PPM1H: variants seen among roughly 807,000 people sequenced by gnomAD.
PPM1H encodes protein phosphatase, Mg2+/Mn2+ dependent 1H.
In PPM1H, 27 loss-of-function variants were observed where a neutral mutation model predicts 54.9. The observed-to-expected ratio is 0.49, with a 90% CI of 0.36 to 0.68. The LOEUF is 0.68. Ranked by LOEUF, PPM1H falls within the 30% of genes least tolerant of loss-of-function variation. PPM1H has a pLI of 0.00. For missense variants in PPM1H, 596 were observed against 667.8 expected (o/e 0.89, Z 1.19); for synonymous variants, 305 against 270.8 (o/e 1.13, Z -1.24).
In PPM1H at chr12:62,730,671, G is replaced by A. The variant is rs1370703640; in HGVS notation, c.954+6831C>T. 4.0e-5 allele frequency among the ~76,000 whole-genome samples: 6 copies of A among 151,846 alleles called. No individual in the cohort carries two copies. In the South Asian group the frequency reaches 1.3e-3, roughly 32 times the overall value. ...TACAAAACTTTTTTTTTTTAATTGA[G>A]TAATCTCTCCTTTTTCTTGCCCTTA... is the stretch of plus-strand genomic sequence containing the variant. On this transcript the variant is annotated intron_variant, in intron 5 of 9. Transcript: ENST00000228705.
chr12:62,905,677 C>T (rs1015416798), intron 1 of PPM1H, among the ~76,000 whole-genome samples: 9 of 152,024 alleles, frequency 5.9e-5, no homozygotes, highest in Admixed American at 5.2e-4. Context: ...ACAGAGTAGA[C>T]CAATAACAGG....
At chr12:62,823,277 AG>A (rs1169901204) in intron 2 of PPM1H, among the ~76,000 whole-genome samples, 2 of 152,230 alleles carry the variant, frequency 1.3e-5, no homozygotes, top group Non-Finnish European at 2.9e-5. Context: ...AAGAAAGTCC[AG>A]AACCAGACGG....
intron 4 of PPM1H, among the ~76,000 whole-genome samples, chr12:62,786,985 C>A (rs1338052088): frequency 6.6e-6 from 1 of 152,258 alleles, no homozygotes; most frequent in East Asian, 1.9e-4. Context: ...AAGCAACAGA[C>A]CTTCAACAAA....
chr12:62,733,083 C>A (rs908185865), intron 5 of PPM1H, among the ~76,000 whole-genome samples: 4 of 151,992 alleles, frequency 2.6e-5, no homozygotes, highest in Admixed American at 6.6e-5. Context: ...AATTTCTGAG[C>A]ATGTTATGAG....
intron 1 of PPM1H, among the ~76,000 whole-genome samples, chr12:62,916,927 TAAAA>T (rs368118906): frequency 7.6e-6 from 1 of 132,034 alleles, no homozygotes; most frequent in Non-Finnish European, 1.6e-5. Flanking sequence ...ACCCTCTACT[TAAAA>T]AAAAAAAAAA....
chr12:62,801,784 C>T, intron 3 of PPM1H, 32 bp downstream of exon 3: 2 of 1,608,626 alleles, frequency 1.2e-6, no homozygotes, highest in South Asian at 2.2e-5. Context: ...GCCAGCCTGG[C>T]CCTGCTGCCC....
rs1381346983 is a variant in PPM1H, at chr12:62,784,658, C to T, written c.869+3568G>A. Among the ~76,000 whole-genome samples, 31 of 152,230 alleles carry T rather than the reference C, an allele frequency of 2.0e-4. 1 individual carries two copies. Among genetic ancestry groups the T allele is most frequent in the Admixed American group, 1.7e-3 (26 of 15,288 alleles). ...TTAAACTGAGCCCTGGGATTCCTGA[C>T]TGCTCGTCAATCAGTGATAATGGAC... On this transcript the variant is annotated intron_variant, in intron 4 of 9. Transcript: ENST00000228705.
intron 1 of PPM1H, among the ~76,000 whole-genome samples, chr12:62,880,033 AC>A (rs1870333667): frequency 1.3e-5 from 2 of 152,178 alleles, no homozygotes; most frequent in African/African-American, 2.4e-5. Flanking sequence ...ATTTTTCAAA[AC>A]CTACAAACTT....
At chr12:62,904,148 G>A (rs1871240263) in intron 1 of PPM1H, among the ~76,000 whole-genome samples, 1 of 152,032 alleles carries the variant, frequency 6.6e-6, no homozygotes. Context: ...CTTCAAAAAG[G>A]CTACATTACA....
intron 1 of PPM1H, among the ~76,000 whole-genome samples, chr12:62,886,795 G>A (rs185293809): frequency 6.6e-6 from 1 of 152,320 alleles, no homozygotes; most frequent in African/African-American, 2.4e-5. Context: ...CTCAATTTAT[G>A]CAGAGAGAAA....
intron 6 of PPM1H, among the ~76,000 whole-genome samples, chr12:62,695,872 G>T (rs1565759606): frequency 6.6e-6 from 1 of 152,178 alleles, no homozygotes; most frequent in Admixed American, 6.5e-5. Context: ...CGTGAACAGG[G>T]ATTGAAGACC....
intron 2 of PPM1H, among the ~76,000 whole-genome samples, chr12:62,817,150 A>AAAAAAAAAAAAAAAAAAAAC (rs2076873317): frequency 8.7e-6 from 1 of 115,344 alleles, no homozygotes; most frequent in African/African-American, 3.3e-5. Context: ...AAAAAAAAAA[A>AAAAAAAAAAAAAAAAAAAAC]CTAAAAAAAA....
intron 2 of PPM1H, among the ~76,000 whole-genome samples, chr12:62,830,637 C>A (rs937982855): frequency 1.3e-5 from 2 of 152,190 alleles, no homozygotes; most frequent in African/African-American, 4.8e-5. Flanking sequence ...GTAGACTGCA[C>A]AGTCATCTCA....
chr12:62,676,507 G>A (rs1365217461), intron 8 of PPM1H, among the ~76,000 whole-genome samples: 1 of 152,220 alleles, frequency 6.6e-6, no homozygotes, highest in Non-Finnish European at 1.5e-5. Flanking sequence ...GCTCTTGGGT[G>A]TCTTGGAAGT....
chr12:62,811,354 A>C (rs1012334793), intron 2 of PPM1H, among the ~76,000 whole-genome samples: 1 of 152,342 alleles, frequency 6.6e-6, no homozygotes, highest in African/African-American at 2.4e-5. Flanking sequence ...GTAATTACTT[A>C]TACTATTAAA....
At chr12:62,893,835 T>C (rs764695022) in intron 1 of PPM1H, among the ~76,000 whole-genome samples, 1 of 152,140 alleles carries the variant, frequency 6.6e-6, no homozygotes, top group Non-Finnish European at 1.5e-5. Flanking sequence ...CCAAATATAG[T>C]CACATTCTGA....
In PPM1H at chr12:62,921,794, A is replaced by G. The variant is rs1427654406; in HGVS notation, c.245+12698T>C. Among the ~76,000 whole-genome samples the G allele has an allele frequency of 1.3e-5, 2 of 152,192 alleles. 1 individual carries two copies. The highest frequency in any genetic ancestry group is 1.3e-4 in the Admixed American group (2 of 15,280). On this transcript the variant is annotated intron_variant, in intron 1 of 9. Transcript: ENST00000228705. ...TGAGACGCCATCTCTAAGACAAACA[A>G]GCAAACAAAAAACTTGACTCTGCTT...
chr12:62,856,994 T>TAATA (rs1405302714), intron 1 of PPM1H, among the ~76,000 whole-genome samples: 5 of 152,200 alleles, frequency 3.3e-5, no homozygotes, highest in African/African-American at 1.2e-4. Flanking sequence ...TTAAATTGGG[T>TAATA]AATACATAGG....
Position 62,934,671 on chromosome 12 carries a change from G to C in PPM1H, c.66C>G (p.Gly22=). Residue 22 remains glycine (G), a synonymous_variant, in exon 1 of 10, where the codon GGC becomes GGG. Coordinates refer to ENST00000228705, the MANE Select transcript of PPM1H (RefSeq NM_020700.2). This position sits in a 1 kb window ranked among gnomAD's most constrained non-coding sequence, Gnocchi z 4.2. ...CGCAGCTGCCGCCGCCGTGCTCGGA[G>C]CCTGAGCTGCCAGCCATGATGCCGC... ...FMGGIMAGSS[G]SEHGGGSCGG... is the part of the protein sequence containing the mutation. 6.2e-7 allele frequency: 1 copy of C among 1,605,312 alleles called. No homozygotes were observed. The highest frequency in any genetic ancestry group is 8.5e-7 in the Non-Finnish European group (1 of 1,176,968).
Sources: gnomAD v4.1 joint callset for allele counts (sites outside exome capture counted in the v4.1 genomes callset) on GRCh38, gnomAD v4.1.1 for gene constraint, Gnocchi (gnomAD v3.1) non-coding constraint, MANE v1.5 for transcripts, NCBI Gene and HGNC (gene_info 2026-07-23, HGNC 2026-07-21) for gene names.